MFSD6: variants seen among roughly 807,000 people sequenced by gnomAD.
MFSD6 encodes the protein major facilitator superfamily domain containing 6.
Under a neutral mutation model 56.3 loss-of-function variants are expected in MFSD6, and 26 were observed. The ratio of observed to expected loss-of-function variants is 0.46; its 90% CI spans 0.34 to 0.64. The LOEUF (loss-of-function observed/expected upper bound fraction) is 0.64. Ranked by LOEUF, MFSD6 falls within the 30% of genes least tolerant of loss-of-function variation. The probability of loss-of-function intolerance (pLI) is 0.01; values close to 1 mark genes in which losing one functional copy is unlikely to be tolerated. For synonymous variants in MFSD6, 331 were observed against 366.9 expected (o/e 0.90, Z 1.12); for missense variants, 750 against 986.2 (o/e 0.76, Z 3.21).
chr2:190,473,949 C>T (rs1688117639), intron 4 of MFSD6, among the ~76,000 whole-genome samples: 1 of 152,166 alleles, frequency 6.6e-6, no homozygotes, highest in South Asian at 2.1e-4. Context: ...ACTGAACAAC[C>T]TACTCCTGAA....
In MFSD6 at chr2:190,499,763, T is replaced by A. The variant is rs767006579; in HGVS notation, c.2173-252T>A. On this transcript the variant is annotated intron_variant, in intron 7 of 7. Transcript: ENST00000392328. The surrounding 1 kb of genome is among the most constrained non-coding windows in gnomAD (Gnocchi z 6.0). ...TACCAAGTACTAACAGACATTTTGG[T>A]AGTAATGTTCCTTTTTCCACAAGAC... The A allele has an allele frequency of 7.8e-6, 11 of 1,418,536 alleles. No individual in the cohort carries two copies. Among genetic ancestry groups the A allele is most frequent in the Non-Finnish European group, 1.0e-5 (11 of 1,056,480 alleles). The allele number at this position is 1,418,536 out of a possible 1,614,324, so 87.9% of individuals were successfully genotyped here. A position where few individuals can be genotyped will look rare whatever the true frequency, so the allele number is the denominator to read the frequency against.
chr2:190,434,215 T>G lies in MFSD6; in HGVS notation c.-53-1762T>G, dbSNP rs916822936. Among the ~76,000 whole-genome samples the G allele has an allele frequency of 2.0e-5, 3 of 149,026 alleles. No homozygotes were observed. Among genetic ancestry groups the G allele is most frequent in the Non-Finnish European group, 3.0e-5 (2 of 67,338 alleles). ...AAAAAAGAAAAAAAAGAAAAGAAGG[T>G]GAAAGGAATTAACACATATTTAATG... On this transcript the variant is annotated intron_variant, in intron 2 of 7. Transcript: ENST00000392328. This position sits in a 1 kb window ranked among gnomAD's most constrained non-coding sequence, Gnocchi z 4.3.
In MFSD6 at chr2:190,495,826, G is replaced by T. The variant is rs7600297; in HGVS notation, c.1892-1613G>T. Among the ~76,000 whole-genome samples, 133,859 of 152,182 alleles carry T rather than the reference G, an allele frequency of 0.88. 59,687 individuals carry two copies. Among genetic ancestry groups the T allele is most frequent in the East Asian group, 1 (5,166 of 5,180 alleles). ...TGAAACTGGATCCTCATTTCTCACC[G>T]TATAAAAAAATCAACTCAAGATGGA... On this transcript the variant is annotated intron_variant, in intron 6 of 7. Transcript: ENST00000392328. The surrounding 1 kb of genome is among the most constrained non-coding windows in gnomAD (Gnocchi z 4.7).
Position 190,500,211 on chromosome 2 carries a change from G to T in MFSD6, c.2369G>T (p.Gly790Val). ...CAGCAGGCTCAGCTGGCCGCGGGAG[G>T]ACACTGAGGGCATCCTGCTCATCTC... ...EEQQAQLAAG[G>V]H The change falls in exon 8 of 8, where the codon GGA (glycine) becomes GTA (valine). Residue 790 changes from glycine to valine, a missense_variant. Transcript: ENST00000392328. This position sits in a 1 kb window ranked among gnomAD's most constrained non-coding sequence, Gnocchi z 5.3. 6.2e-7 allele frequency: 1 copy of T among 1,614,126 alleles called. No individual in the cohort carries two copies. The highest frequency in any genetic ancestry group is 8.5e-7 in the Non-Finnish European group (1 of 1,180,026).
chr2:190,478,972 A>G (rs1004508947), intron 4 of MFSD6, among the ~76,000 whole-genome samples: 5 of 152,170 alleles, frequency 3.3e-5, no homozygotes, highest in African/African-American at 4.8e-5. Flanking sequence ...GCCTCATTCT[A>G]TAGCCCCCGC....
Position 190,413,169 on chromosome 2 carries a change from C to G in MFSD6, c.-175-2123C>G, listed in dbSNP as rs1353439213. Reference sequence around the variant, plus strand: ...AAAGTAGCCTCTCCCTGCCTTGATCCATTATGATGTAAATCTAGCTGAGCC... The same window carrying G: ...AAAGTAGCCTCTCCCTGCCTTGATCGATTATGATGTAAATCTAGCTGAGCC... On this transcript the variant is annotated intron_variant, in intron 1 of 7. Transcript: ENST00000392328. This position sits in a 1 kb window ranked among gnomAD's most constrained non-coding sequence, Gnocchi z 4.1. Among the ~76,000 whole-genome samples the G allele has an allele frequency of 6.6e-6, 1 of 152,108 alleles. No homozygotes were observed. The highest frequency in any genetic ancestry group is 2.4e-5 in the African/African-American group (1 of 41,406).
chr2:190,408,424 C>G lies in MFSD6; in HGVS notation c.-255C>G, dbSNP rs894070. 0.98 allele frequency: 148,425 copies of G among 150,748 alleles called. 73,125 individuals are homozygous for G. The highest frequency in any genetic ancestry group is 1 in the Middle Eastern group (292 of 292). The allele number at this position is 150,748 out of a possible 1,614,324, so 9.3% of individuals were successfully genotyped here. On this transcript the variant is annotated 5_prime_UTR_variant, in exon 1 of 8. Transcript: ENST00000392328. The stretch of plus-strand genomic sequence containing the variant: ...GCTGCCCCGACAGCCGCCGCCCCGG[C>G]GCCCCGAGCCGCCGCCCCGTGCTCC...
chr2:190,409,852 T>G (rs1690484529), intron 1 of MFSD6, among the ~76,000 whole-genome samples: 1 of 152,164 alleles, frequency 6.6e-6, no homozygotes, highest in African/African-American at 2.4e-5. Context: ...TGTTTAGTGA[T>G]AGTCAGATGG....
Position 190,458,437 on chromosome 2 carries a change from CA to C in MFSD6, c.1533-11319del, listed in dbSNP as rs1687154570. Among the ~76,000 whole-genome samples, 1 of 149,314 alleles carries C rather than the reference CA, an allele frequency of 6.7e-6. No individual in the cohort carries two copies. The highest frequency in any genetic ancestry group is 1.5e-5 in the Non-Finnish European group (1 of 67,434). ...CCAACGAGAGGGGCCCTGGAGAAAC[CA>C]ACATTGCCAACACCTTGATTTTGGA... is the stretch of plus-strand genomic sequence containing the variant. On this transcript the variant is annotated intron_variant, in intron 3 of 7. Coordinates refer to ENST00000392328, the MANE Select transcript of MFSD6 (RefSeq NM_017694.4). The surrounding 1 kb of genome is among the most constrained non-coding windows in gnomAD (Gnocchi z 5.3).
Position 190,454,844 on chromosome 2 carries a change from A to G in MFSD6, c.1533-14914A>G, listed in dbSNP as rs190564588. Among the ~76,000 whole-genome samples, 313 of 152,238 alleles carry G rather than the reference A, an allele frequency of 2.1e-3. 2 individuals are homozygous for G. Among genetic ancestry groups the G allele is most frequent in the African/African-American group, 7.3e-3 (304 of 41,530 alleles). On this transcript the variant is annotated intron_variant, in intron 3 of 7. Transcript: ENST00000392328. This position sits in a 1 kb window ranked among gnomAD's most constrained non-coding sequence, Gnocchi z 4.6. ...TCAGAAGACACTAGAATAGGGACCT[A>G]TGGCCTAACATAGTGGGATGATGGT...
In MFSD6 at chr2:190,456,826, G is replaced by A. The variant is rs373590787; in HGVS notation, c.1533-12932G>A. Reference sequence around the variant, plus strand: ...CTACCTCAGCAGAAATGATCTTTCAGCGCATTTCTTCTCATAACACAGAAT... The same window carrying A: ...CTACCTCAGCAGAAATGATCTTTCAACGCATTTCTTCTCATAACACAGAAT... On this transcript the variant is annotated intron_variant, in intron 3 of 7. Coordinates refer to ENST00000392328, the MANE Select transcript of MFSD6 (RefSeq NM_017694.4). The surrounding 1 kb of genome is among the most constrained non-coding windows in gnomAD (Gnocchi z 5.4). Among the ~76,000 whole-genome samples the A allele has an allele frequency of 1.3e-5, 2 of 152,284 alleles. No homozygotes were observed. Among genetic ancestry groups the A allele is most frequent in the African/African-American group, 4.8e-5 (2 of 41,566 alleles).
chr2:190,497,713 T>C lies in MFSD6; in HGVS notation c.2166T>C (p.Pro722=). The change falls in exon 7 of 8, where the codon CCT becomes CCC. Residue 722 remains proline, a synonymous_variant. Coordinates refer to ENST00000392328, the MANE Select transcript of MFSD6 (RefSeq NM_017694.4). The surrounding 1 kb of genome is among the most constrained non-coding windows in gnomAD (Gnocchi z 5.2). ...ACAACCGTGCTTCTGAGATACAGCC[T>C]TTACAGGTACAGTTCCTTTGCTGGG... ...TRDNRASEIQ[P]LQGTNENREN... is the part of the protein sequence containing the mutation. 2 of 1,613,130 alleles carry C rather than the reference T, an allele frequency of 1.2e-6. No individual in the cohort carries two copies. Among genetic ancestry groups the C allele is most frequent in the Middle Eastern group, 3.3e-4 (2 of 6,054 alleles).
intron 3 of MFSD6, among the ~76,000 whole-genome samples, chr2:190,455,768 T>G (rs930855161): frequency 2.0e-5 from 3 of 151,950 alleles, no homozygotes; most frequent in East Asian, 3.9e-4. Context: ...CCTTCCTTTT[T>G]TTTTTGTGAT....
At position 190,410,525 on chromosome 2, in the gene MFSD6, C is replaced by A. The variant is rs192514382; in HGVS notation, c.-176+2022C>A. On this transcript the variant is annotated intron_variant, in intron 1 of 7. Coordinates refer to ENST00000392328, the MANE Select transcript of MFSD6 (RefSeq NM_017694.4). The surrounding 1 kb of genome is among the most constrained non-coding windows in gnomAD (Gnocchi z 4.4). ...ATGTATTACTTATGTTAACATTTAG[C>A]CATGTAGGATAATTTATATATTTAT... 2.9e-4 allele frequency among the ~76,000 whole-genome samples: 44 copies of A among 152,198 alleles called. No homozygotes were observed. The East Asian group carries it at 7.9e-3, about 27-fold the overall frequency.
At chr2:190,435,132 G>T (rs1204840698) in intron 2 of MFSD6, among the ~76,000 whole-genome samples, 2 of 152,192 alleles carry the variant, frequency 1.3e-5, no homozygotes, top group African/African-American at 4.8e-5. Context: ...AATGGTTGGG[G>T]ACTACCATCG....
In MFSD6 at chr2:190,491,341, A is replaced by C. The variant is rs567702947; in HGVS notation, c.1891+1475A>C. Among the ~76,000 whole-genome samples, 1 of 152,328 alleles carries C rather than the reference A, an allele frequency of 6.6e-6. No individual in the cohort carries two copies. The highest frequency in any genetic ancestry group is 1.9e-4 in the East Asian group (1 of 5,186). ...ACTTGCATCATGCTTTTGCTCCAGAACTACTGCAGGAATATACCAGGAAAG... is the reference window on the plus strand; with the variant it reads ...ACTTGCATCATGCTTTTGCTCCAGACCTACTGCAGGAATATACCAGGAAAG... On this transcript the variant is annotated intron_variant, in intron 6 of 7. Transcript: ENST00000392328. This position sits in a 1 kb window ranked among gnomAD's most constrained non-coding sequence, Gnocchi z 4.2.
In MFSD6 at chr2:190,469,694, T is replaced by C. The variant is rs1687801017; in HGVS notation, c.1533-64T>C. 1.0e-6 allele frequency: 1 copy of C among 967,430 alleles called. No individual in the cohort carries two copies. The highest frequency in any genetic ancestry group is 1.7e-5 in the African/African-American group (1 of 60,404). The allele number at this position is 967,430 out of a possible 1,614,324, so 59.9% of individuals were successfully genotyped here. ...TTTGTACACATATTAGATTGTATAT[T>C]AGGGACTCAGTTTATTTTCCTTTGC... On this transcript the variant is annotated intron_variant, in intron 3 of 7. Coordinates refer to ENST00000392328, the MANE Select transcript of MFSD6 (RefSeq NM_017694.4). The surrounding 1 kb of genome is among the most constrained non-coding windows in gnomAD (Gnocchi z 5.3).
intron 3 of MFSD6, among the ~76,000 whole-genome samples, chr2:190,442,402 C>A (rs1317442096): frequency 6.6e-6 from 1 of 152,100 alleles, no homozygotes; most frequent in Non-Finnish European, 1.5e-5. Flanking sequence ...ACCTGAATTT[C>A]ATCTGGAGGC....
intron 4 of MFSD6, among the ~76,000 whole-genome samples, chr2:190,473,334 G>A (rs1417141970): frequency 6.6e-6 from 1 of 152,148 alleles, no homozygotes; most frequent in Non-Finnish European, 1.5e-5. Context: ...GCTGTATTCA[G>A]GAAACCCATC....
Sources: allele counts gnomAD v4.1 joint callset (sites outside exome capture counted in the v4.1 genomes callset), GRCh38; gene constraint gnomAD v4.1.1; non-coding constraint Gnocchi (gnomAD v3.1); transcripts MANE v1.5; gene names NCBI Gene and HGNC (gene_info 2026-07-23, HGNC 2026-07-21).